The following NEBL variants were observed in gnomAD, a reference collection of about 807,000 sequenced individuals.
NEBL encodes the protein LIM and SH3 protein 2.
A neutral mutation model predicts 140.2 loss-of-function variants in NEBL; 122 were observed. The observed-to-expected ratio is 0.87, with a 90% confidence interval of 0.75 to 1.01. The LOEUF is 1.01. NEBL is among the 50% of genes least tolerant of loss of function. The pLI, the probability that NEBL is intolerant of heterozygous loss-of-function variation, is 0.00. For synonymous variants in NEBL, 436 were observed against 398.9 expected, an observed-to-expected ratio of 1.09 and a Z score of -1.11; for missense variants, 1,365 against 1,231.3, an observed-to-expected ratio of 1.11 and a Z score of -1.62.
intron 24 of NEBL, 75 bp from the exon 25 acceptor site, chr10:20,809,973 AC>A: frequency 2.9e-6 from 3 of 1,043,398 alleles, no homozygotes; most frequent in Non-Finnish European, 4.3e-6. Context: ...AAAAGCCAGT[AC>A]CCAAAAGAGT....
At chr10:20,822,691 T>C (rs1038763541) in intron 19 of NEBL, among the ~76,000 whole-genome samples, 1 of 151,462 alleles carries the variant, frequency 6.6e-6, no homozygotes, top group Non-Finnish European at 1.5e-5. Flanking sequence ...TATAGATATA[T>C]AGAGACTATA....
intron 4 of NEBL, among the ~76,000 whole-genome samples, chr10:20,944,680 A>G (rs1835070438): frequency 6.6e-6 from 1 of 152,246 alleles, no homozygotes; most frequent in African/African-American, 2.4e-5. Flanking sequence ...GAGCGTGAGC[A>G]CACCATTGCC....
intron 2 of NEBL, among the ~76,000 whole-genome samples, chr10:21,044,780 T>C (rs1328114329): frequency 2.0e-5 from 3 of 152,200 alleles, no homozygotes; most frequent in East Asian, 1.9e-4. Flanking sequence ...CAGCCACAGA[T>C]TCATATCAGC....
At chr10:21,137,342 G>A (rs940233730) in intron 2 of NEBL, among the ~76,000 whole-genome samples, 5 of 152,178 alleles carry the variant, frequency 3.3e-5, no homozygotes, top group African/African-American at 1.2e-4. Flanking sequence ...GCGGTATTCA[G>A]TTAGCCACAG....
Position 20,970,047 on chromosome 10 carries a change from T to C in NEBL, c.250-8268A>G, listed in dbSNP as rs1316830773. On this transcript the variant is annotated intron_variant, in intron 3 of 6. Transcript: ENST00000417816. ...ATTCAGTTTCCTCATATACAAAATA[T>C]GCGTAATTTTAGTACAATATTGAGA... Among the ~76,000 whole-genome samples, 3 of 152,296 alleles carry C rather than the reference T, an allele frequency of 2.0e-5. No homozygotes were observed. The East Asian group carries it at 5.8e-4, about 29-fold the overall frequency.
At chr10:20,926,130 C>CA (rs35715474) in intron 4 of NEBL, among the ~76,000 whole-genome samples, 4 of 152,108 alleles carry the variant, frequency 2.6e-5, no homozygotes, top group African/African-American at 7.2e-5. Flanking sequence ...ATCAGATGCA[C>CA]AAAAAAATGG....
intron 21 of NEBL, among the ~76,000 whole-genome samples, chr10:20,816,353 G>T (rs1018052589): frequency 1.3e-5 from 2 of 152,144 alleles, no homozygotes; most frequent in Non-Finnish European, 2.9e-5. Context: ...ACATGGTCGT[G>T]GTTTCTTAGG....
At chr10:20,809,950 G>GAAAAAAAAAAAAAAAAAAAAAAAAAAA (rs200571909) in intron 24 of NEBL, 52 bp from the exon 25 acceptor site, 2 of 683,196 alleles carry the variant, frequency 2.9e-6, no homozygotes, top group African/African-American at 2.5e-5. Context: ...TTTAAAAAAG[G>GAAAAAAAAAAAAAAAAAAAAAAAAAAA]AAAAAAAAAA....
chr10:21,084,631 C>A (rs1390326535), intron 2 of NEBL, among the ~76,000 whole-genome samples: 1 of 151,944 alleles, frequency 6.6e-6, no homozygotes, highest in East Asian at 1.9e-4. Flanking sequence ...TAAAAAACAG[C>A]AACAATGAAG....
intron 16 of NEBL, among the ~76,000 whole-genome samples, 158 bp from the exon 17 acceptor site, chr10:20,828,792 A>G (rs968568936): frequency 6.6e-6 from 1 of 152,084 alleles, no homozygotes. Context: ...AGGTGGAGAG[A>G]CAGAGATAGA....
intron 2 of NEBL, among the ~76,000 whole-genome samples, chr10:21,076,444 C>CAAAAAAAAAAAAAAAAA (rs56013237): frequency 2.0e-5 from 1 of 50,070 alleles, no homozygotes; most frequent in Non-Finnish European, 4.1e-5. Flanking sequence ...GACTCAGTTT[C>CAAAAAAAAAAAAAAAAA]AAAAAAAAAA....
chr10:20,874,816 T>G (rs1374769323), intron 5 of NEBL, among the ~76,000 whole-genome samples: 1 of 152,208 alleles, frequency 6.6e-6, no homozygotes, highest in African/African-American at 2.4e-5. Flanking sequence ...CTCAGCTCAC[T>G]GTAACCTCCA....
chr10:21,274,797 A>C (rs1385936943), intron 1 of NEBL, among the ~76,000 whole-genome samples: 3 of 152,078 alleles, frequency 2.0e-5, no homozygotes, highest in Admixed American at 6.5e-5. Context: ...TAAGGAAAAA[A>C]TATTTGCTTT....
In NEBL at chr10:20,808,192, G is replaced by A. The variant is rs76261504; in HGVS notation, c.2761+318C>T. On this transcript the variant is annotated intron_variant, in intron 26 of 27. Transcript: ENST00000377122. ...GAACTCAAGTTTCTCCTATGACTGT[G>A]TAGTGTGTATATTTATCACATATAA... Among the ~76,000 whole-genome samples the A allele has an allele frequency of 0.077, 11,672 of 151,958 alleles. 880 individuals carry two copies. The highest frequency in any genetic ancestry group is 0.18 in the African/African-American group (7,557 of 41,418).
intron 2 of NEBL, among the ~76,000 whole-genome samples, chr10:21,148,614 C>T (rs538847838): frequency 1.3e-5 from 2 of 152,272 alleles, no homozygotes; most frequent in Non-Finnish European, 1.5e-5. Context: ...CAACTTCCAC[C>T]TCCTGCGTGG....
chr10:21,184,902 A>G (rs1029576499), intron 3 of NEBL, among the ~76,000 whole-genome samples: 1 of 152,232 alleles, frequency 6.6e-6, no homozygotes, highest in Non-Finnish European at 1.5e-5. Context: ...GTGGGATTAC[A>G]TACAGTTCTT....
intron 1 of NEBL, among the ~76,000 whole-genome samples, chr10:21,275,712 C>T (rs1372940645): frequency 6.8e-6 from 1 of 146,230 alleles, no homozygotes; most frequent in Non-Finnish European, 1.5e-5. Flanking sequence ...GGAATCTTGG[C>T]TCACCGCAAC....
At chr10:21,114,982 C>G (rs1228193696) in intron 2 of NEBL, among the ~76,000 whole-genome samples, 3 of 151,816 alleles carry the variant, frequency 2.0e-5, no homozygotes, top group Admixed American at 6.6e-5. Context: ...TTCCTTTTTG[C>G]TCATTTTTAA....
chr10:20,974,547 C>G lies in NEBL; in HGVS notation c.250-12768G>C, dbSNP rs574419674. Among the ~76,000 whole-genome samples, 12 of 152,152 alleles carry G rather than the reference C, an allele frequency of 7.9e-5. No individual in the cohort carries two copies. The South Asian group carries it at 2.5e-3, about 32-fold the overall frequency. ...TATAAGCATGAGCCACTGCACCCAG[C>G]CTTGAAATGTAATTTAAATAAAAAT... is the stretch of plus-strand genomic sequence containing the variant. On this transcript the variant is annotated intron_variant, in intron 3 of 6. Transcript: ENST00000417816.
Sources: allele counts gnomAD v4.1 joint callset (sites outside exome capture counted in the v4.1 genomes callset), GRCh38; gene constraint gnomAD v4.1.1; transcripts MANE v1.5; gene names NCBI Gene and HGNC (gene_info 2026-07-23, HGNC 2026-07-21).